Variants in MEGF6 observed in about 807,000 individuals in gnomAD.
MEGF6 encodes the protein multiple epidermal growth factor-like domains protein 6.
In MEGF6, 184 loss-of-function variants were observed where a neutral mutation model predicts 207.1. The observed-to-expected ratio is 0.89, with a 90% CI of 0.79 to 1.00. The LOEUF is 1.00. Among genes scored for constraint, MEGF6 ranks in the 50% least tolerant of loss-of-function variants. The probability of loss-of-function intolerance (pLI) is 0.00; values close to 1 mark genes in which losing one functional copy is unlikely to be tolerated. For synonymous variants in MEGF6, 1,038 were observed against 910.0 expected (o/e 1.14, Z -2.53); for missense variants, 2,282 against 2,202.9 (o/e 1.04, Z -0.72).
Position 3,524,135 on chromosome 1 carries a change from CT to C in MEGF6, c.592del (p.Arg198GlyfsTer79). 6.2e-7 allele frequency: 1 copy of C among 1,612,298 alleles called. No homozygotes were observed. Among genetic ancestry groups the C allele is most frequent in the Non-Finnish European group, 8.5e-7 (1 of 1,179,668 alleles). ...CAGGCGACACTCACCCAGGCAGGTC[CT>C]GCTGTCAGTGTGGAGCCGGAAGCCG... ...KPGFRLHTDS[R>X]TCLAINSCAL... is the part of the protein sequence containing the mutation. On this transcript the variant is annotated frameshift_variant, in exon 5 of 37. Transcript: ENST00000356575. LOFTEE classifies it high-confidence loss of function.
In MEGF6 at chr1:3,560,865, C is replaced by A; in HGVS notation, c.481+18960G>T. 2.2e-6 allele frequency: 1 copy of A among 449,272 alleles called. No homozygotes were observed. The highest frequency in any genetic ancestry group is 4.5e-6 in the Non-Finnish European group (1 of 220,030). The allele number at this position is 449,272 out of a possible 1,614,324, so 27.8% of individuals were successfully genotyped here. On this transcript the variant is annotated intron_variant, in intron 4 of 36. Coordinates refer to ENST00000356575, the MANE Select transcript of MEGF6 (RefSeq NM_001409.4). The surrounding 1 kb of genome is among the most constrained non-coding windows in gnomAD (Gnocchi z 4.0). The stretch of plus-strand genomic sequence containing the variant: ...GGGGGTTGCTGGGCTGGCTGGTCCC[C>A]CAGGTCTCTACGCGAAGGGGGTGCT...
rs1374081521 is a variant in MEGF6, at chr1:3,496,010, G to A, written c.3751C>T (p.Gln1251Ter). The change falls in exon 30 of 37, where the codon CAG becomes TAG. Residue 1251 changes from glutamine (Q) to a stop codon, truncating the protein, a stop_gained. Coordinates refer to ENST00000356575, the MANE Select transcript of MEGF6 (RefSeq NM_001409.4). LOFTEE classifies it high-confidence loss of function. ...GTGCAGTTGGGGCCGAAGCGGCCCT[G>A]CGGACAGGCTGCCGGGGAGGAAGTG... is the stretch of plus-strand genomic sequence containing the variant. ...LGTDCNLTCP[Q>*]GRFGPNCTHV... 2 of 1,530,214 alleles carry A rather than the reference G, an allele frequency of 1.3e-6. No individual in the cohort carries two copies. Among genetic ancestry groups the A allele is most frequent in the East Asian group, 2.3e-5 (1 of 42,806 alleles). 94.8% of individuals were successfully genotyped at this position (1,530,214 alleles called of 1,614,324 possible). A position where few individuals can be genotyped will look rare whatever the true frequency, so the allele number is the denominator to read the frequency against.
chr1:3,557,405 C>G (rs1188545390), intron 4 of MEGF6, among the ~76,000 whole-genome samples: 1 of 152,216 alleles, frequency 6.6e-6, no homozygotes, highest in African/African-American at 2.4e-5. Flanking sequence ...CCTTGGCTCC[C>G]AGGGTGGCGA....
rs151055602 is a variant in MEGF6, at chr1:3,608,910, G to A, written c.131+2228C>T. ...GATCAGTTCTGCCCGCTCCAGGGAT[G>A]GGGCAAAGCACCTGGATCTGCGAGT... On this transcript the variant is annotated intron_variant, in intron 1 of 36. Coordinates refer to ENST00000356575, the MANE Select transcript of MEGF6 (RefSeq NM_001409.4). Among the ~76,000 whole-genome samples the A allele has an allele frequency of 1.9e-4, 29 of 152,296 alleles. 1 individual carries two copies. The East Asian group carries it at 4.1e-3, about 21-fold the overall frequency.
chr1:3,526,786 A>G (rs1191032621), intron 4 of MEGF6, among the ~76,000 whole-genome samples: 1 of 152,176 alleles, frequency 6.6e-6, no homozygotes, highest in Non-Finnish European at 1.5e-5. Flanking sequence ...GAGAGCCGCC[A>G]AAGAGTCACC....
intron 4 of MEGF6, among the ~76,000 whole-genome samples, chr1:3,546,640 A>G (rs370883615): frequency 0.019 from 776 of 40,840 alleles, 4 homozygotes; most frequent in South Asian, 0.1. Context: ...TGGGGTGGCA[A>G]TGGGCTGGGA....
rs1248461934 is a variant in MEGF6, at chr1:3,497,259, C to T, written c.3455G>A (p.Gly1152Asp). The T allele has an allele frequency of 1.3e-6, 2 of 1,542,222 alleles. No homozygotes were observed. The change falls in exon 27 of 37, where the codon GGC becomes GAC. Residue 1152 changes from glycine to aspartate, a missense_variant. By Grantham distance (94) the Gly-to-Asp change is moderately conservative. Coordinates refer to ENST00000356575, the MANE Select transcript of MEGF6 (RefSeq NM_001409.4). ...HVTGACRCPP[G>D]FTGSGCEQAC... Reference sequence around the variant, plus strand: ...CTGCTCGCAGCCGGAGCCAGTGAAGCCAGGGGGACAGCGGCAGGCCCCAGT... The same window carrying T: ...CTGCTCGCAGCCGGAGCCAGTGAAGTCAGGGGGACAGCGGCAGGCCCCAGT...
chr1:3,566,310 C>T (rs1643342005), intron 4 of MEGF6, among the ~76,000 whole-genome samples: 2 of 152,232 alleles, frequency 1.3e-5, no homozygotes, highest in Admixed American at 1.3e-4. Flanking sequence ...TTCATTACTC[C>T]ATGGGAAGGG....
At chr1:3,523,082 G>GA (rs894224705) in intron 5 of MEGF6, among the ~76,000 whole-genome samples, 1 of 152,072 alleles carries the variant, frequency 6.6e-6, no homozygotes, top group Non-Finnish European at 1.5e-5. Flanking sequence ...GCCGGGGGGG[G>GA]GGCCCCAGGG....
rs1005875395 is a variant in MEGF6 at position 3,512,004 on chromosome 1, A to G, written c.976+2T>C. On this transcript the variant is annotated splice_donor_variant, in intron 8 of 36. Coordinates refer to ENST00000356575, the MANE Select transcript of MEGF6 (RefSeq NM_001409.4). LOFTEE classifies it high-confidence loss of function. ...TCAGCCTGTTGCCGGCTGCCCACTCACGGTAGCACTGCCGGCCATCGGCGC... is the reference window on the plus strand; with the variant it reads ...TCAGCCTGTTGCCGGCTGCCCACTCGCGGTAGCACTGCCGGCCATCGGCGC... 1.2e-6 allele frequency: 2 copies of G among 1,611,952 alleles called. No individual in the cohort carries two copies. The highest frequency in any genetic ancestry group is 1.7e-6 in the Non-Finnish European group (2 of 1,179,854).
At chr1:3,497,931 G>A (rs1472007033) in intron 26 of MEGF6, among the ~76,000 whole-genome samples, 1 of 152,186 alleles carries the variant, frequency 6.6e-6, no homozygotes, top group Non-Finnish European at 1.5e-5. Flanking sequence ...GCCCTTGCAT[G>A]TCTGGGCTCT....
chr1:3,568,504 G>A (rs368055639), intron 4 of MEGF6, among the ~76,000 whole-genome samples: 14 of 151,962 alleles, frequency 9.2e-5, no homozygotes, highest in African/African-American at 2.4e-4. Flanking sequence ...GTCCCAGCAC[G>A]CACCCACTTT....
intron 11 of MEGF6, among the ~76,000 whole-genome samples, chr1:3,509,469 C>T (rs1421916469): frequency 6.6e-6 from 1 of 152,216 alleles, no homozygotes; most frequent in Non-Finnish European, 1.5e-5. Flanking sequence ...GACCTGAACC[C>T]GGCCCCTCTG....
chr1:3,509,779 G>A (rs2101033572), intron 11 of MEGF6, 91 bp downstream of exon 11: 1 of 1,433,970 alleles, frequency 7.0e-7, no homozygotes, highest in Non-Finnish European at 9.2e-7. Context: ...GCAGGTGGGG[G>A]TGGGGTGGGC....
chr1:3,591,712 C>T (rs866140905), intron 3 of MEGF6, among the ~76,000 whole-genome samples: 19 of 144,846 alleles, frequency 1.3e-4, no homozygotes, highest in African/African-American at 4.4e-4. Context: ...ACCAAGGTCT[C>T]GTAGCTCACA....
In MEGF6 at chr1:3,556,551, G is replaced by A. The variant is rs767381837; in HGVS notation, c.481+23274C>T. ...CTTCCCACTCCAGTGAGTCAGGAGC[G>A]GGTCACAGAGGCTGCAGCAGCGGAA... On this transcript the variant is annotated intron_variant, in intron 4 of 36. Coordinates refer to ENST00000356575, the MANE Select transcript of MEGF6 (RefSeq NM_001409.4). This position sits in a 1 kb window ranked among gnomAD's most constrained non-coding sequence, Gnocchi z 4.4. Among the ~76,000 whole-genome samples the A allele has an allele frequency of 1.1e-4, 16 of 152,254 alleles. No homozygotes were observed. Among genetic ancestry groups the A allele is most frequent in the Middle Eastern group, 3.4e-3 (1 of 294 alleles).
chr1:3,499,244 C>G lies in MEGF6; in HGVS notation c.2988G>C (p.Gly996=), dbSNP rs749932917. Residue 996 remains glycine, a synonymous_variant, in exon 24 of 37, where the codon GGG becomes GGC. Transcript: ENST00000356575. ...CAETCPAHTY[G]HNCSQACACF... is the part of the protein sequence containing the mutation. ...AGGCACAGGCCTGGCTGCAATTGTG[C>G]CCGTAGGTGTGGGCTGGGCAGGCTG... is the stretch of plus-strand genomic sequence containing the variant. The G allele has an allele frequency of 6.2e-7, 1 of 1,605,770 alleles. No homozygotes were observed.
At chr1:3,506,936 GTGACCCCT>G (rs1641141718) in intron 14 of MEGF6, among the ~76,000 whole-genome samples, 1 of 152,266 alleles carries the variant, frequency 6.6e-6, no homozygotes. Context: ...AGAAGGGGAG[GTGACCCCT>G]CAACGCTGCA....
At chr1:3,614,029 G>A (rs1483583500), upstream of MEGF6, among the ~76,000 whole-genome samples, 12 of 152,178 alleles carry the variant, frequency 7.9e-5, no homozygotes, top group Non-Finnish European at 1.0e-4. Flanking sequence ...CTGCGGTCAG[G>A]ACACCTGCCG....
Sources: gnomAD v4.1 joint callset for allele counts (sites outside exome capture counted in the v4.1 genomes callset) on GRCh38, gnomAD v4.1.1 for gene constraint, Gnocchi (gnomAD v3.1) non-coding constraint, MANE v1.5 for transcripts, NCBI Gene and HGNC (gene_info 2026-07-23, HGNC 2026-07-21) for gene names.